Variants in GRIN2A observed in about 807,000 individuals in gnomAD.
The protein encoded by GRIN2A is glutamate receptor ionotropic, NMDA 2A.
Under a neutral mutation model 113.4 loss-of-function variants are expected in GRIN2A, and 22 were observed. The ratio of observed to expected loss-of-function variants is 0.19; its 90% CI spans 0.14 to 0.28. The LOEUF is 0.28. GRIN2A is among the 10% of genes least tolerant of loss of function. The pLI is 1.00. For synonymous variants in GRIN2A, 827 were observed against 738.4 expected, an observed-to-expected ratio of 1.12 and a Z score of -1.94; for missense variants, 1,502 against 1,887.0, an observed-to-expected ratio of 0.80 and a Z score of 3.78.
At chr16:9,900,494 A>G (rs2043899892) in intron 3 of GRIN2A, among the ~76,000 whole-genome samples, 1 of 152,176 alleles carries the variant, frequency 6.6e-6, no homozygotes, top group African/African-American at 2.4e-5. Context: ...GTAGGTTAGG[A>G]CAAAGCTTTT....
chr16:10,033,300 G>A (rs567291193), intron 2 of GRIN2A, among the ~76,000 whole-genome samples: 1 of 152,250 alleles, frequency 6.6e-6, no homozygotes, highest in South Asian at 2.1e-4. Flanking sequence ...GTAGAGCTTT[G>A]GCTGTATGAT....
At position 9,756,735 on chromosome 16, in the gene GRIN2A, A is replaced by G. The variant is rs189018409; in HGVS notation, c.*6414T>C. The G allele has an allele frequency of 2.6e-4, 47 of 183,802 alleles. No individual in the cohort carries two copies. Among genetic ancestry groups the G allele is most frequent in the Non-Finnish European group, 4.2e-4 (36 of 86,470 alleles). The allele number at this position is 183,802 out of a possible 1,614,324, so 11.4% of individuals were successfully genotyped here. Reference sequence around the variant, plus strand: ...TTTAGATATATTTTGATATTTTCAAATTCAGGTGCAGATCCATGGCAAGTA... The same window carrying G: ...TTTAGATATATTTTGATATTTTCAAGTTCAGGTGCAGATCCATGGCAAGTA... On this transcript the variant is annotated 3_prime_UTR_variant, in exon 13 of 13. Coordinates refer to ENST00000330684, the MANE Select transcript of GRIN2A (RefSeq NM_001134407.3).
rs541247624 is a variant in GRIN2A, at chr16:9,940,195, C to G, written c.415-1644G>C. ...TCCCTGTGGGTGCTCACTAAAAGTT[C>G]TATCAGAATGGGCCAAAAGCTATAG... On this transcript the variant is annotated intron_variant, in intron 2 of 12. Coordinates refer to ENST00000330684, the MANE Select transcript of GRIN2A (RefSeq NM_001134407.3). 4.6e-5 allele frequency among the ~76,000 whole-genome samples: 7 copies of G among 152,174 alleles called. No individual in the cohort carries two copies. The South Asian group carries it at 1.5e-3, about 32-fold the overall frequency.
At chr16:10,005,128 T>G (rs1182911576) in intron 2 of GRIN2A, among the ~76,000 whole-genome samples, 1 of 152,176 alleles carries the variant, frequency 6.6e-6, no homozygotes, top group Non-Finnish European at 1.5e-5. Context: ...CAAGCATGAA[T>G]CAAATAAAAT....
At chr16:10,179,893 C>CCCAAAACAAAAA in intron 2 of GRIN2A, 105 bp downstream of exon 2, 1 of 719,816 alleles carries the variant, frequency 1.4e-6, no homozygotes. Context: ...CCCCCACCCC[C>CCCAAAACAAAAA]ACTTCACATC....
At chr16:10,062,562 T>G (rs1295700801) in intron 2 of GRIN2A, among the ~76,000 whole-genome samples, 1 of 152,156 alleles carries the variant, frequency 6.6e-6, no homozygotes, top group African/African-American at 2.4e-5. Flanking sequence ...TTGAAAAACA[T>G]TGGGTTAACA....
intron 2 of GRIN2A, among the ~76,000 whole-genome samples, chr16:10,005,540 T>TG (rs974940122): frequency 2.6e-5 from 4 of 152,132 alleles, no homozygotes; most frequent in Non-Finnish European, 5.9e-5. Flanking sequence ...AGAGGTAAAC[T>TG]GGGGGGGTCC....
chr16:9,874,890 A>G (rs1313629639), intron 4 of GRIN2A, among the ~76,000 whole-genome samples: 1 of 151,966 alleles, frequency 6.6e-6, no homozygotes, highest in Non-Finnish European at 1.5e-5. Flanking sequence ...ATTTGAGACC[A>G]GCCTGGGCAA....
chr16:10,116,440 TC>T lies in GRIN2A; in HGVS notation c.414+63557del, dbSNP rs1231341461. ...GTCTACCTAGGTAACAAACCTATGT[TC>T]TGTACATGTATCCCAGAACTTAAAA... On this transcript the variant is annotated intron_variant, in intron 2 of 12. Coordinates refer to ENST00000330684, the MANE Select transcript of GRIN2A (RefSeq NM_001134407.3). 2.0e-5 allele frequency among the ~76,000 whole-genome samples: 3 copies of T among 152,232 alleles called. No homozygotes were observed. The East Asian group carries it at 5.8e-4, about 29-fold the overall frequency.
intron 2 of GRIN2A, among the ~76,000 whole-genome samples, chr16:9,960,762 C>T (rs915615033): frequency 6.6e-6 from 1 of 152,162 alleles, no homozygotes; most frequent in Non-Finnish European, 1.5e-5. Flanking sequence ...GTAGCAGGGA[C>T]TACAGGTGTG....
At chr16:9,769,329 A>G (rs544409505) in intron 11 of GRIN2A, 1 of 213,902 alleles carries the variant, frequency 4.7e-6, no homozygotes, top group South Asian at 9.5e-5. Context: ...AATATAATAT[A>G]TATATAGAGA....
intron 2 of GRIN2A, among the ~76,000 whole-genome samples, chr16:10,095,020 G>A (rs2048259266): frequency 6.6e-6 from 1 of 152,056 alleles, no homozygotes; most frequent in Admixed American, 6.5e-5. Flanking sequence ...GGTTAAATGA[G>A]GTCATAAGAG....
At chr16:10,106,098 T>G (rs2034365) in intron 2 of GRIN2A, among the ~76,000 whole-genome samples, 1 of 151,892 alleles carries the variant, frequency 6.6e-6, no homozygotes, top group Admixed American at 6.6e-5. Context: ...AAAAGACTTA[T>G]AGAACTGTGA....
At position 10,002,410 on chromosome 16, in the gene GRIN2A, C is replaced by G. The variant is rs571773267; in HGVS notation, c.415-63859G>C. Reference sequence around the variant, plus strand: ...GTGGAATACATTCCCCTAGGGAGAGCTGACCACAGATGGAATGGCTATTCA... The same window carrying G: ...GTGGAATACATTCCCCTAGGGAGAGGTGACCACAGATGGAATGGCTATTCA... On this transcript the variant is annotated intron_variant, in intron 2 of 12. Transcript: ENST00000330684. Among the ~76,000 whole-genome samples the G allele has an allele frequency of 5.3e-5, 8 of 152,328 alleles. No individual in the cohort carries two copies. The East Asian group carries it at 9.6e-4, about 18-fold the overall frequency.
At chr16:9,905,262 C>T (rs552088683) in intron 3 of GRIN2A, among the ~76,000 whole-genome samples, 1 of 152,288 alleles carries the variant, frequency 6.6e-6, no homozygotes, top group South Asian at 2.1e-4. Context: ...GCTAATGTTC[C>T]TGTTGCTGTA....
intron 3 of GRIN2A, among the ~76,000 whole-genome samples, chr16:9,923,086 T>C (rs894285568): frequency 6.6e-6 from 1 of 152,192 alleles, no homozygotes; most frequent in Non-Finnish European, 1.5e-5. Flanking sequence ...TCTCCTACTA[T>C]AATTATGAAT....
At chr16:10,152,401 G>C (rs2049599835) in intron 2 of GRIN2A, among the ~76,000 whole-genome samples, 1 of 152,184 alleles carries the variant, frequency 6.6e-6, no homozygotes, top group Non-Finnish European at 1.5e-5. Context: ...TTTTGCCAAA[G>C]TTAGCATTTA....
At chr16:10,008,822 A>T (rs906575214) in intron 2 of GRIN2A, among the ~76,000 whole-genome samples, 9 of 152,232 alleles carry the variant, frequency 5.9e-5, no homozygotes, top group Admixed American at 5.2e-4. Flanking sequence ...GGTACCAACA[A>T]ATAATAATTT....
At chr16:10,179,656 C>T (rs1002991461) in intron 2 of GRIN2A, 2 of 402,198 alleles carry the variant, frequency 5.0e-6, no homozygotes, top group Non-Finnish European at 4.6e-6. Context: ...CTCCTGGGCC[C>T]ACCTCTGTGC....
Sources: allele counts gnomAD v4.1 joint callset (sites outside exome capture counted in the v4.1 genomes callset), GRCh38; gene constraint gnomAD v4.1.1; transcripts MANE v1.5; gene names NCBI Gene and HGNC (gene_info 2026-07-23, HGNC 2026-07-21).